Variants in MASP2 observed in about 807,000 individuals in gnomAD.
MASP2 encodes the protein MBL associated serine protease 2, also known as mannan-binding lectin serine protease 2.
In MASP2, 49 loss-of-function variants were observed where a neutral mutation model predicts 57.1. The ratio of observed to expected loss-of-function variants is 0.86; its 90% CI spans 0.68 to 1.09. MASP2 has a LOEUF of 1.09. MASP2 is among the 50% of genes least tolerant of loss of function. The pLI, the probability that MASP2 is intolerant of heterozygous loss-of-function variation, is 0.00. For missense variants in MASP2, 900 were observed against 874.8 expected (o/e 1.03, Z -0.36); for synonymous variants, 379 against 340.8 (o/e 1.11, Z -1.24).
At chr1:11,031,671 C>A (rs531346996) in intron 8 of MASP2, among the ~76,000 whole-genome samples, 9 of 151,826 alleles carry the variant, frequency 5.9e-5, no homozygotes, top group Non-Finnish European at 1.3e-4. Flanking sequence ...TGGTTCAAAC[C>A]TGTAATCAGC....
chr1:11,028,345 A>G (rs1281084314), intron 10 of MASP2, among the ~76,000 whole-genome samples: 1 of 152,234 alleles, frequency 6.6e-6, no homozygotes, highest in Non-Finnish European at 1.5e-5. Context: ...TACTTGTAAA[A>G]TGGGTATTTA....
rs66761147 is a variant in MASP2, at chr1:11,046,852, C to T, written c.234+39G>A. 39,179 of 1,550,844 alleles carry T rather than the reference C, an allele frequency of 0.025. 611 individuals are homozygous for T. Among genetic ancestry groups the T allele is most frequent in the South Asian group, 0.053 (4,454 of 84,336 alleles). On this transcript the variant is annotated intron_variant, in intron 2 of 10. Transcript: ENST00000400897. Reference sequence around the variant, plus strand: ...CCCTGGCTACTCCTTGGGGACCCCCCGACCCTGAGAAACCCCAGCCCTCCC... The same window carrying T: ...CCCTGGCTACTCCTTGGGGACCCCCTGACCCTGAGAAACCCCAGCCCTCCC...
chr1:11,036,940 A>G, intron 7 of MASP2, among the ~76,000 whole-genome samples: 1 of 152,194 alleles, frequency 6.6e-6, no homozygotes, highest in East Asian at 1.9e-4. Flanking sequence ...CTTTAATTTG[A>G]TGCAAGACTG....
Position 11,043,374 on chromosome 1 carries a change from G to C in MASP2, c.706C>G (p.His236Asp). The change falls in exon 5 of 11, where the codon CAC becomes GAC. Residue 236 changes from histidine (H) to aspartate (D), a missense_variant. By Grantham distance (81) the His-to-Asp change is moderately conservative. Transcript: ENST00000400897. Reference protein sequence around the residue: ...DFVESFDVETHPETLCPYDFL... With the variant: ...DFVESFDVETDPETLCPYDFL... Reference sequence around the variant, plus strand: ...TCGTAGGGACACAGGGTTTCAGGGTGTGTCTCCACATCGAAGGACTCCACA... The same window carrying C: ...TCGTAGGGACACAGGGTTTCAGGGTCTGTCTCCACATCGAAGGACTCCACA... 3 of 1,609,434 alleles carry C rather than the reference G, an allele frequency of 1.9e-6. No individual in the cohort carries two copies. The highest frequency in any genetic ancestry group is 2.5e-6 in the Non-Finnish European group (3 of 1,178,336).
intron 9 of MASP2, 67 bp from the exon 10 acceptor site, chr1:11,030,317 A>G: frequency 9.1e-7 from 1 of 1,103,608 alleles, no homozygotes; most frequent in South Asian, 1.3e-5. Context: ...TTGCTTGAAT[A>G]CCCCCTTGAA....
rs368040764 is a variant in MASP2 at position 11,043,338 on chromosome 1, C to A, written c.741+1G>T. On this transcript the variant is annotated splice_donor_variant, in intron 5 of 10. Coordinates refer to ENST00000400897, the MANE Select transcript of MASP2 (RefSeq NM_006610.4). LOFTEE classifies it high-confidence loss of function. Reference sequence around the variant, plus strand: ...CAAGATGAGGGGCCCAGGAGCCAGACCTTGAGAAAGTCGTAGGGACACAGG... The same window carrying A: ...CAAGATGAGGGGCCCAGGAGCCAGAACTTGAGAAAGTCGTAGGGACACAGG... 16 of 1,602,972 alleles carry A rather than the reference C, an allele frequency of 1.0e-5. No individual in the cohort carries two copies. In the African/African-American group the frequency reaches 1.6e-4, roughly 16 times the overall value.
At chr1:11,031,259 C>T (rs896506872) in intron 8 of MASP2, among the ~76,000 whole-genome samples, 2 of 151,806 alleles carry the variant, frequency 1.3e-5, no homozygotes, top group Non-Finnish European at 2.9e-5. Context: ...CGCGATGGCT[C>T]ATGCCTGTAA....
At chr1:11,043,313 C>T in intron 5 of MASP2, 26 bp downstream of exon 5, 1 of 1,583,668 alleles carries the variant, frequency 6.3e-7, no homozygotes, top group Middle Eastern at 1.7e-4. Flanking sequence ...GGATCTGGGA[C>T]AAGATGAGGG....
intron 9 of MASP2, 179 bp downstream of exon 9, chr1:11,030,569 A>G (rs1191963724): frequency 3.0e-6 from 2 of 657,246 alleles, no homozygotes; most frequent in Non-Finnish European, 5.0e-6. Context: ...CTGTTTTCAG[A>G]TTTTTGCAAA....
rs373719413 is a variant in MASP2, at chr1:11,037,717, G to A, written c.984C>T (p.Cys328=). Residue 328 remains cysteine (C), a synonymous_variant, in exon 7 of 11, where the codon TGC becomes TGT. Transcript: ENST00000400897. ...YILKDSFSIF[C]ETGYELLQGH... ...CTTGCAGAAGCTCATAGCCAGTCTCGCAAAAGATGGAGAAGCTGTCTTTCA... is the reference window on the plus strand; with the variant it reads ...CTTGCAGAAGCTCATAGCCAGTCTCACAAAAGATGGAGAAGCTGTCTTTCA... 7.4e-6 allele frequency: 12 copies of A among 1,610,788 alleles called. No homozygotes were observed. The highest frequency in any genetic ancestry group is 9.3e-6 in the Non-Finnish European group (11 of 1,178,756).
Position 11,046,612 on chromosome 1 carries a change from G to C in MASP2, c.356C>G (p.Ser119Cys). ...LGSSLDITFR[S>C]DYSNEKPFTG... Reference sequence around the variant, plus strand: ...GAACGGCTTCTCGTTGGAGTAGTCGGAGCGGAAGGTAATGTCCAGGCTGGA... The same window carrying C: ...GAACGGCTTCTCGTTGGAGTAGTCGCAGCGGAAGGTAATGTCCAGGCTGGA... Residue 119 changes from serine to cysteine, a missense_variant, in exon 3 of 11, where the codon TCC becomes TGC. Coordinates refer to ENST00000400897, the MANE Select transcript of MASP2 (RefSeq NM_006610.4). 1 of 1,613,808 alleles carries C rather than the reference G, an allele frequency of 6.2e-7. No homozygotes were observed. The highest frequency in any genetic ancestry group is 8.5e-7 in the Non-Finnish European group (1 of 1,180,040).
intron 4 of MASP2, chr1:11,044,704 A>T: frequency 8.4e-6 from 10 of 1,192,126 alleles, no homozygotes; most frequent in Non-Finnish European, 1.1e-5. Flanking sequence ...GCTCCCACAG[A>T]CCTGGGGTTC....
chr1:11,042,774 G>T, intron 6 of MASP2, 101 bp downstream of exon 6: 1 of 1,377,394 alleles, frequency 7.3e-7, no homozygotes, highest in Non-Finnish European at 1.0e-6. Context: ...TCCCTTCCTA[G>T]TCCTGGCCCA....
intron 10 of MASP2, among the ~76,000 whole-genome samples, chr1:11,028,226 A>G (rs922420320): frequency 2.6e-5 from 4 of 152,166 alleles, no homozygotes; most frequent in African/African-American, 9.7e-5. Flanking sequence ...TCAAAAAAAA[A>G]AGGAGATTAG....
intron 10 of MASP2, 122 bp from the exon 11 acceptor site, chr1:11,027,770 TG>T: frequency 1.5e-5 from 15 of 1,024,948 alleles, no homozygotes; most frequent in Admixed American, 2.8e-5. Context: ...CATGAATTGG[TG>T]GGTGACTACC....
Position 11,026,793 on chromosome 1 carries a change from C to T in MASP2, c.*92G>A. ...GGTGGAGCAACAACTGCCATGTCCACAGTAATGATGAATGCTTCTCGAGCC... is the reference window on the plus strand; with the variant it reads ...GGTGGAGCAACAACTGCCATGTCCATAGTAATGATGAATGCTTCTCGAGCC... On this transcript the variant is annotated 3_prime_UTR_variant, in exon 11 of 11. Transcript: ENST00000400897. 1.8e-6 allele frequency: 2 copies of T among 1,112,016 alleles called. No homozygotes were observed. Among genetic ancestry groups the T allele is most frequent in the Non-Finnish European group, 2.5e-6 (2 of 809,242 alleles). The allele number at this position is 1,112,016 out of a possible 1,614,324, so 68.9% of individuals were successfully genotyped here.
At chr1:11,046,849 C>A (rs780554192) in intron 2 of MASP2, 42 bp downstream of exon 2, 9 of 1,551,050 alleles carry the variant, frequency 5.8e-6, no homozygotes, top group African/African-American at 1.4e-5. Flanking sequence ...CTTGGGGACC[C>A]CCCGACCCTG....
intron 3 of MASP2, 72 bp from the exon 4 acceptor site, chr1:11,045,611 G>C: frequency 1.3e-6 from 2 of 1,498,228 alleles, no homozygotes; most frequent in Non-Finnish European, 1.8e-6. Context: ...CTCCTCCCAG[G>C]AGATCCATGA....
intron 8 of MASP2, among the ~76,000 whole-genome samples, chr1:11,033,949 ACACACACACACACACACTCT>A (rs766665076): frequency 0.063 from 3,775 of 60,210 alleles, 144 homozygotes; most frequent in African/African-American, 0.17. Flanking sequence ...ACACACACAC[ACACACACACACACACACTCT>A]CTCTCTCTCT....
Sources: gnomAD v4.1 joint callset for allele counts (sites outside exome capture counted in the v4.1 genomes callset) on GRCh38, gnomAD v4.1.1 for gene constraint, MANE v1.5 for transcripts, NCBI Gene and HGNC (gene_info 2026-07-23, HGNC 2026-07-21) for gene names.